TBC1D5: variants seen among roughly 807,000 people sequenced by gnomAD.
TBC1D5 encodes TBC1 domain family member 5.
In TBC1D5, 75 loss-of-function variants were observed where a neutral mutation model predicts 100.3. That is an observed-to-expected ratio of 0.75 (90% CI 0.62 to 0.91). The LOEUF (loss-of-function observed/expected upper bound fraction) is 0.91. Among genes scored for constraint, TBC1D5 ranks in the 40% least tolerant of loss-of-function variants. TBC1D5 has a pLI of 0.00. For synonymous variants in TBC1D5, 323 were observed against 325.6 expected, an observed-to-expected ratio of 0.99 and a Z score of 0.09; for missense variants, 910 against 942.4, an observed-to-expected ratio of 0.97 and a Z score of 0.45.
chr3:17,502,883 G>C (rs754406892), intron 3 of TBC1D5, among the ~76,000 whole-genome samples: 1 of 149,476 alleles, frequency 6.7e-6, no homozygotes, highest in Non-Finnish European at 1.5e-5. Flanking sequence ...AGTAGATCAA[G>C]TACTATCAAT....
chr3:17,348,796 C>G (rs1293872230), intron 13 of TBC1D5, among the ~76,000 whole-genome samples: 1 of 152,178 alleles, frequency 6.6e-6, no homozygotes, highest in Admixed American at 6.6e-5. Flanking sequence ...GAAACCTGTT[C>G]TCTTCATTCT....
intron 18 of TBC1D5, among the ~76,000 whole-genome samples, chr3:17,186,623 T>C (rs1241380342): frequency 1.4e-5 from 2 of 139,002 alleles, no homozygotes; most frequent in Non-Finnish European, 3.0e-5. Context: ...GGCAGGAGAA[T>C]TGCTTGAATC....
intron 3 of TBC1D5, 125 bp from the exon 4 acceptor site, chr3:17,428,644 T>G: frequency 3.2e-6 from 1 of 314,664 alleles, no homozygotes; most frequent in Non-Finnish European, 5.8e-6. Context: ...CTTCCCCAAA[T>G]TATCTTTTGT....
chr3:17,336,015 C>T (rs894326166), intron 13 of TBC1D5, among the ~76,000 whole-genome samples: 3 of 152,078 alleles, frequency 2.0e-5, no homozygotes, highest in Admixed American at 6.6e-5. Context: ...CATATAGCCA[C>T]CATTTCTCAG....
intron 18 of TBC1D5, among the ~76,000 whole-genome samples, chr3:17,190,818 C>A (rs932029287): frequency 2.0e-5 from 3 of 152,082 alleles, no homozygotes; most frequent in Non-Finnish European, 4.4e-5. Context: ...ACAAGGGAAC[C>A]AACACTAACT....
chr3:17,516,351 C>T (rs998813837), intron 2 of TBC1D5, among the ~76,000 whole-genome samples: 2 of 151,154 alleles, frequency 1.3e-5, no homozygotes. Flanking sequence ...TAATCTGTGG[C>T]CAAAAGATTT....
At chr3:17,184,031 T>C (rs1008314467) in intron 19 of TBC1D5, among the ~76,000 whole-genome samples, 13 of 152,228 alleles carry the variant, frequency 8.5e-5, no homozygotes, top group African/African-American at 2.9e-4. Context: ...TCTTAGACAC[T>C]GGACAGTGAA....
chr3:17,443,411 T>C (rs1231615277), intron 3 of TBC1D5, among the ~76,000 whole-genome samples: 2 of 152,214 alleles, frequency 1.3e-5, no homozygotes, highest in African/African-American at 2.4e-5. Flanking sequence ...AGTTCAACAA[T>C]GTATAGCCAA....
intron 17 of TBC1D5, among the ~76,000 whole-genome samples, chr3:17,215,767 A>C (rs779287868): frequency 1.3e-5 from 2 of 152,196 alleles, no homozygotes; most frequent in Non-Finnish European, 2.9e-5. Flanking sequence ...CTGACTGAGA[A>C]GCAGCAGCCA....
chr3:17,630,979 C>G (rs6797412), intron 1 of TBC1D5, among the ~76,000 whole-genome samples: 148,429 of 148,436 alleles, frequency 1, 74,211 homozygotes, highest in Middle Eastern at 1. Flanking sequence ...GGGAGGCAGA[C>G]GTTGCAGTGA....
chr3:17,248,834 A>G (rs2076959514), intron 16 of TBC1D5, among the ~76,000 whole-genome samples: 1 of 152,176 alleles, frequency 6.6e-6, no homozygotes, highest in African/African-American at 2.4e-5. Flanking sequence ...TGTTTCATCT[A>G]TACCGAAAAT....
intron 1 of TBC1D5, among the ~76,000 whole-genome samples, chr3:17,725,007 T>TTA (rs2076008227): frequency 6.6e-6 from 1 of 152,204 alleles, no homozygotes; most frequent in African/African-American, 2.4e-5. Flanking sequence ...TCAAATGTGT[T>TTA]AAGTTTCTTG....
At position 17,364,980 on chromosome 3, in the gene TBC1D5, T is replaced by C. The variant is rs533819380; in HGVS notation, c.995+7095A>G. On this transcript the variant is annotated intron_variant, in intron 13 of 21. Coordinates refer to ENST00000253692, the Ensembl canonical transcript of TBC1D5. Reference sequence around the variant, plus strand: ...ATTTTTTAAAACATTTACTTAGTGATTAGAAACATCAATAATATATTTATT... The same window carrying C: ...ATTTTTTAAAACATTTACTTAGTGACTAGAAACATCAATAATATATTTATT... Among the ~76,000 whole-genome samples, 140 of 152,320 alleles carry C rather than the reference T, an allele frequency of 9.2e-4. No individual in the cohort carries two copies. The Middle Eastern group carries it at 0.024, about 26-fold the overall frequency.
At position 17,293,050 on chromosome 3, in the gene TBC1D5, C is replaced by A. The variant is rs146909202; in HGVS notation, c.1139-1049G>T. On this transcript the variant is annotated intron_variant, in intron 14 of 21. Transcript: ENST00000253692. Reference sequence around the variant, plus strand: ...AGCACTATGGGGAAAGGAGACAGGACTGGGCAAAATGAATAATTATAATCT... The same window carrying A: ...AGCACTATGGGGAAAGGAGACAGGAATGGGCAAAATGAATAATTATAATCT... Among the ~76,000 whole-genome samples, 212 of 152,262 alleles carry A rather than the reference C, an allele frequency of 1.4e-3. 1 individual carries two copies. Among genetic ancestry groups the A allele is most frequent in the African/African-American group, 4.2e-3 (176 of 41,560 alleles).
chr3:17,212,763 TATAGA>T (rs1249890974), intron 18 of TBC1D5, among the ~76,000 whole-genome samples: 1 of 152,018 alleles, frequency 6.6e-6, no homozygotes, highest in African/African-American at 2.4e-5. Flanking sequence ...AGAAAAAAGC[TATAGA>T]ATAAAGATAA....
At chr3:17,569,825 T>C (rs1464131514) in intron 2 of TBC1D5, among the ~76,000 whole-genome samples, 1 of 151,644 alleles carries the variant, frequency 6.6e-6, no homozygotes, top group Non-Finnish European at 1.5e-5. Flanking sequence ...GCAATAAATA[T>C]CATTTTCATC....
At chr3:17,681,018 G>T (rs2069379550) in intron 1 of TBC1D5, among the ~76,000 whole-genome samples, 2 of 151,442 alleles carry the variant, frequency 1.3e-5, no homozygotes, top group South Asian at 4.1e-4. Context: ...TCCACAAAAT[G>T]GATGAGGCAT....
chr3:17,200,515 G>C (rs144153560), intron 18 of TBC1D5, among the ~76,000 whole-genome samples: 95 of 152,348 alleles, frequency 6.2e-4, no homozygotes, highest in Non-Finnish European at 1.2e-3. Flanking sequence ...GATGATCTGA[G>C]GTGGAACAGG....
chr3:17,599,985 T>C (rs2060824871), intron 2 of TBC1D5, among the ~76,000 whole-genome samples: 2 of 152,218 alleles, frequency 1.3e-5, no homozygotes, highest in African/African-American at 4.8e-5. Flanking sequence ...GATAAAGGAA[T>C]GAGTGAATGA....
Sources: allele counts gnomAD v4.1 joint callset (sites outside exome capture counted in the v4.1 genomes callset), GRCh38; gene constraint gnomAD v4.1.1; transcripts MANE v1.5; gene names NCBI Gene and HGNC (gene_info 2026-07-23, HGNC 2026-07-21).